The following ZNF438 variants were observed in gnomAD, a reference collection of about 807,000 sequenced individuals.
The protein encoded by ZNF438 is zinc finger protein 438.
Under a neutral mutation model 38.0 loss-of-function variants are expected in ZNF438, and 25 were observed. That is an observed-to-expected ratio of 0.66 (90% CI 0.48 to 0.92). The LOEUF (loss-of-function observed/expected upper bound fraction) is 0.92. ZNF438 is among the 40% of genes least tolerant of loss of function. The pLI is 0.00. For missense variants in ZNF438, 1,007 were observed against 999.6 expected, an observed-to-expected ratio of 1.01 and a Z score of -0.10; for synonymous variants, 372 against 364.1, an observed-to-expected ratio of 1.02 and a Z score of -0.25.
At chr10:30,968,921 C>T (rs2050443565) in intron 1 of ZNF438, among the ~76,000 whole-genome samples, 1 of 152,078 alleles carries the variant, frequency 6.6e-6, no homozygotes, top group Admixed American at 6.5e-5. Context: ...GGGAAATGCT[C>T]AGTTTCCACA....
chr10:31,007,914 G>C (rs1015081271), intron 1 of ZNF438, among the ~76,000 whole-genome samples: 1 of 152,018 alleles, frequency 6.6e-6, no homozygotes, highest in Non-Finnish European at 1.5e-5. Flanking sequence ...AGCAAAATGA[G>C]GGGGGACTAG....
chr10:31,012,130 T>C (rs1187710289), intron 1 of ZNF438, among the ~76,000 whole-genome samples: 19 of 141,498 alleles, frequency 1.3e-4, no homozygotes, highest in Admixed American at 1.2e-3. Flanking sequence ...TTTTTTTTTC[T>C]TTTTTTTTTT....
At chr10:30,874,112 GTGTATATATATATA>G (rs2037983353) in intron 4 of ZNF438, among the ~76,000 whole-genome samples, 27 of 36,138 alleles carry the variant, frequency 7.5e-4, no homozygotes, top group African/African-American at 1.0e-3. Flanking sequence ...GGGTGTGTGT[GTGTATATATATATA>G]TATATATATA....
intron 2 of ZNF438, among the ~76,000 whole-genome samples, chr10:30,915,188 C>A (rs889249255): frequency 6.6e-6 from 1 of 151,924 alleles, no homozygotes; most frequent in South Asian, 2.1e-4. Flanking sequence ...GCTTTGTGCC[C>A]TATGAAGTTT....
intron 1 of ZNF438, among the ~76,000 whole-genome samples, chr10:30,991,194 G>T (rs1163648329): frequency 6.6e-6 from 1 of 152,122 alleles, no homozygotes; most frequent in Non-Finnish European, 1.5e-5. Flanking sequence ...AAGAATATGG[G>T]GGCTCCTTTT....
At chr10:30,895,170 G>A (rs2041168445) in intron 3 of ZNF438, among the ~76,000 whole-genome samples, 1 of 152,162 alleles carries the variant, frequency 6.6e-6, no homozygotes, top group South Asian at 2.1e-4. Context: ...ACAACTAGGT[G>A]TGCTTTCCTC....
At chr10:30,864,526 G>A (rs2036109849) in intron 4 of ZNF438, among the ~76,000 whole-genome samples, 1 of 152,118 alleles carries the variant, frequency 6.6e-6, no homozygotes, top group Admixed American at 6.5e-5. Context: ...CTGTCTCCTC[G>A]CTAAAATGTG....
chr10:30,962,125 C>A (rs541003480), intron 1 of ZNF438, among the ~76,000 whole-genome samples: 1 of 146,774 alleles, frequency 6.8e-6, no homozygotes, highest in South Asian at 2.2e-4. Flanking sequence ...AAGGTAACTT[C>A]TGTTATGCTC....
At chr10:30,908,909 T>C (rs2042827772) in intron 3 of ZNF438, 24 bp downstream of exon 4, 1 of 152,218 alleles carries the variant, frequency 6.6e-6, no homozygotes, top group Non-Finnish European at 1.5e-5. Context: ...TACATCAATA[T>C]GCAAAAATTA....
intron 1 of ZNF438, among the ~76,000 whole-genome samples, chr10:30,948,727 CCT>C (rs1458306460): frequency 6.6e-6 from 1 of 151,508 alleles, no homozygotes; most frequent in Non-Finnish European, 1.5e-5. Flanking sequence ...ATGAGCAAAG[CCT>C]CCAAGAAATA....
chr10:30,856,779 G>T (rs991608), intron 4 of ZNF438, among the ~76,000 whole-genome samples: 58,229 of 152,028 alleles, frequency 0.38, 11,441 homozygotes, highest in Admixed American at 0.41. Flanking sequence ...AAAATTAATT[G>T]TGTACAATTA....
chr10:31,016,811 T>A (rs1049575684), intron 1 of ZNF438, among the ~76,000 whole-genome samples: 1 of 152,206 alleles, frequency 6.6e-6, no homozygotes, highest in African/African-American at 2.4e-5. Flanking sequence ...GAAATACAAT[T>A]TCTTTGTAGG....
intron 2 of ZNF438, among the ~76,000 whole-genome samples, chr10:30,926,923 T>C (rs899314472): frequency 1.3e-5 from 2 of 152,200 alleles, no homozygotes; most frequent in African/African-American, 4.8e-5. Context: ...TTAAGTAGGT[T>C]AATTTTCCGA....
rs2031535647 is a variant in ZNF438 at position 30,844,978 on chromosome 10, T to C, written c.2470A>G (p.Ser824Gly). 3.1e-6 allele frequency: 5 copies of C among 1,613,642 alleles called. No individual in the cohort carries two copies. The African/African-American group carries it at 4.0e-5, about 13-fold the overall frequency. Residue 824 changes from serine (S) to glycine (G), a missense_variant, in exon 6 of 6, where the codon AGT becomes GGT. Transcript: ENST00000413025. Reference sequence around the variant, plus strand: ...TTGGGGTCTCATTTCTCAGCTTCACTGGAAAGTTCGATCACTCCCTGGTTG... The same window carrying C: ...TTGGGGTCTCATTTCTCAGCTTCACCGGAAAGTTCGATCACTCCCTGGTTG...
intron 1 of ZNF438, among the ~76,000 whole-genome samples, chr10:30,981,306 C>G (rs1433372879): frequency 6.6e-6 from 1 of 152,088 alleles, no homozygotes; most frequent in Non-Finnish European, 1.5e-5. Flanking sequence ...TCTAGGTCAC[C>G]CAGTGTGATC....
chr10:30,918,055 C>T (rs1352311455), intron 2 of ZNF438, among the ~76,000 whole-genome samples: 2 of 152,072 alleles, frequency 1.3e-5, no homozygotes, highest in Non-Finnish European at 2.9e-5. Context: ...TACTGCAACA[C>T]TTTCCTTTCC....
chr10:31,005,257 ATGTG>A (rs2055014153), intron 1 of ZNF438, among the ~76,000 whole-genome samples: 1 of 152,202 alleles, frequency 6.6e-6, no homozygotes, highest in African/African-American at 2.4e-5. Context: ...ACTGTGAGTT[ATGTG>A]TGTGTACATA....
chr10:31,017,225 T>C (rs2056264542), intron 1 of ZNF438, among the ~76,000 whole-genome samples: 4 of 152,246 alleles, frequency 2.6e-5, no homozygotes, highest in Admixed American at 1.3e-4. Flanking sequence ...GGCAAGTCCC[T>C]TGGTTCATTT....
intron 2 of ZNF438, among the ~76,000 whole-genome samples, chr10:30,932,522 T>G (rs1450020447): frequency 6.6e-6 from 1 of 152,188 alleles, no homozygotes; most frequent in Non-Finnish European, 1.5e-5. Flanking sequence ...ACTATCCCAT[T>G]GCATAGATGA....
Sources: gnomAD v4.1 joint callset for allele counts (sites outside exome capture counted in the v4.1 genomes callset) on GRCh38, gnomAD v4.1.1 for gene constraint, MANE v1.5 for transcripts, NCBI Gene and HGNC (gene_info 2026-07-23, HGNC 2026-07-21) for gene names.